The following USP47 variants were observed in gnomAD, a reference collection of about 807,000 sequenced individuals.
USP47 encodes the protein ubiquitin specific peptidase 47.
Under a neutral mutation model 165.1 loss-of-function variants are expected in USP47, and 35 were observed. That is an observed-to-expected ratio of 0.21 (90% CI 0.16 to 0.28). The LOEUF (loss-of-function observed/expected upper bound fraction) is 0.28. Among genes scored for constraint, USP47 ranks in the 10% least tolerant of loss-of-function variants. The pLI is 1.00. For synonymous variants in USP47, 531 were observed against 544.5 expected, an observed-to-expected ratio of 0.98 and a Z score of 0.35; for missense variants, 1,277 against 1,607.4, an observed-to-expected ratio of 0.79 and a Z score of 3.52.
At chr11:11,885,986 T>C (rs1316901591) in intron 3 of USP47, among the ~76,000 whole-genome samples, 8 of 152,024 alleles carry the variant, frequency 5.3e-5, no homozygotes, top group Admixed American at 5.2e-4. Context: ...CCCAGCAAAC[T>C]GCAGCAGCCC....
At chr11:11,937,573 C>G (rs553360292) in intron 17 of USP47, among the ~76,000 whole-genome samples, 1 of 133,740 alleles carries the variant, frequency 7.5e-6, no homozygotes, top group Non-Finnish European at 1.6e-5. Context: ...CATTTCCTTG[C>G]TTTTTTTTTT....
chr11:11,849,948 A>G (rs1277264564), intron 1 of USP47, among the ~76,000 whole-genome samples: 1 of 152,290 alleles, frequency 6.6e-6, no homozygotes, highest in East Asian at 1.9e-4. Flanking sequence ...GCATTGCTCT[A>G]CTGTCTTCTA....
Position 11,942,446 on chromosome 11 carries a change from C to A in USP47, c.2425C>A (p.Pro809Thr). Residue 809 changes from proline to threonine, a missense_variant, in exon 20 of 28, where the codon CCT (proline) becomes ACT (threonine). By Grantham distance (38) the Pro-to-Thr change is conservative. Coordinates refer to ENST00000527733, the MANE Select transcript of USP47 (RefSeq NM_001282659.2). ...ANTIRLFVLL[P>T]EQSPVSYSKR... ...TACAATCAGATTATTTGTTTTGCTA[C>A]CTGAACAATCCCCAGTATCTTATTC... The A allele has an allele frequency of 6.2e-7, 1 of 1,613,590 alleles. No homozygotes were observed. Among genetic ancestry groups the A allele is most frequent in the Non-Finnish European group, 8.5e-7 (1 of 1,179,722 alleles).
At chr11:11,847,349 A>C (rs569508030) in intron 1 of USP47, among the ~76,000 whole-genome samples, 2 of 151,914 alleles carry the variant, frequency 1.3e-5, no homozygotes, top group East Asian at 3.9e-4. Flanking sequence ...GTCTTGAGTA[A>C]TCGGATCCAC....
intron 11 of USP47, among the ~76,000 whole-genome samples, 189 bp downstream of exon 11, chr11:11,923,080 A>G (rs1324691640): frequency 8.5e-6 from 1 of 118,148 alleles, no homozygotes; most frequent in African/African-American, 3.2e-5. Flanking sequence ...ATATATATAT[A>G]TATATGACTA....
intron 1 of USP47, among the ~76,000 whole-genome samples, chr11:11,843,509 T>C (rs552425207): frequency 1.1e-4 from 17 of 152,338 alleles, no homozygotes; most frequent in Admixed American, 7.8e-4. Context: ...TGAACTCCAA[T>C]TAGGGACTAG....
Position 11,936,517 on chromosome 11 carries a change from A to G in USP47, c.2077+7A>G. 2.6e-6 allele frequency: 4 copies of G among 1,558,148 alleles called. No homozygotes were observed. Among genetic ancestry groups the G allele is most frequent in the Non-Finnish European group, 3.5e-6 (4 of 1,146,874 alleles). On this transcript the variant is annotated splice_region_variant and intron_variant, in intron 17 of 27. Transcript: ENST00000527733. ...CAATCTTATAAACCTGGAGGTGAGC[A>G]ATTTTACACTATTTTTAGTTGTTCT...
chr11:11,916,215 A>G (rs984871257), intron 8 of USP47, among the ~76,000 whole-genome samples: 8 of 152,170 alleles, frequency 5.3e-5, no homozygotes, highest in African/African-American at 1.9e-4. Context: ...TCGGGAGGTC[A>G]AGGCAGAGGA....
chr11:11,842,261 C>T, intron 1 of USP47, 37 bp downstream of exon 1: 2 of 1,547,228 alleles, frequency 1.3e-6, no homozygotes, highest in South Asian at 2.4e-5. Flanking sequence ...CTTAGGCCTG[C>T]GGCCGCTCGA....
intron 20 of USP47, among the ~76,000 whole-genome samples, chr11:11,945,516 C>T (rs1459253188): frequency 2.6e-5 from 4 of 152,194 alleles, no homozygotes; most frequent in Admixed American, 2.6e-4. Context: ...TCTGAGAACA[C>T]TGTCCTAGTA....
intron 7 of USP47, among the ~76,000 whole-genome samples, chr11:11,904,386 A>C (rs2134460294): frequency 6.6e-6 from 1 of 152,304 alleles, no homozygotes; most frequent in South Asian, 2.1e-4. Flanking sequence ...AAGAAATGTA[A>C]GTTTATGAAA....
intron 1 of USP47, among the ~76,000 whole-genome samples, chr11:11,855,721 T>G (rs1418688612): frequency 6.6e-6 from 1 of 152,232 alleles, no homozygotes; most frequent in East Asian, 1.9e-4. Flanking sequence ...TTTAAATACT[T>G]ATTTGTATTT....
rs144296076 is a variant in USP47, at chr11:11,904,195, G to C, written c.819+853G>C. On this transcript the variant is annotated intron_variant, in intron 7 of 27. Transcript: ENST00000527733. ...GCAGTGTAAATTATTTTCTTATGGT[G>C]ATTTGCTATTCAGTATTTGAAAAAC... is the stretch of plus-strand genomic sequence containing the variant. Among the ~76,000 whole-genome samples, 30 of 152,244 alleles carry C rather than the reference G, an allele frequency of 2.0e-4. 2 individuals are homozygous for C. The East Asian group carries it at 2.9e-3, about 15-fold the overall frequency.
intron 1 of USP47, 105 bp from the exon 2 acceptor site, chr11:11,880,072 A>G (rs1850731407): frequency 2.6e-6 from 2 of 766,046 alleles, no homozygotes; most frequent in Non-Finnish European, 3.8e-6. Context: ...AATACTTAGT[A>G]TTTCCTGAGG....
chr11:11,846,386 A>C (rs774290510), intron 1 of USP47, among the ~76,000 whole-genome samples: 4 of 152,186 alleles, frequency 2.6e-5, no homozygotes, highest in Non-Finnish European at 5.9e-5. Context: ...ATCAAGGATA[A>C]GGTGCATATT....
chr11:11,917,126 G>C (rs1217467914), intron 8 of USP47, among the ~76,000 whole-genome samples: 6 of 152,084 alleles, frequency 3.9e-5, no homozygotes, highest in Non-Finnish European at 5.9e-5. Context: ...TTCCAGCCTG[G>C]ATGACAGAGC....
intron 3 of USP47, among the ~76,000 whole-genome samples, chr11:11,887,322 T>C (rs942432845): frequency 1.3e-5 from 2 of 152,058 alleles, no homozygotes; most frequent in African/African-American, 4.8e-5. Flanking sequence ...GTATGCTGTC[T>C]TCAAGAGACC....
chr11:11,873,897 G>T, intron 1 of USP47: 1 of 1,234,140 alleles, frequency 8.1e-7, no homozygotes, highest in Non-Finnish European at 1.1e-6. Context: ...GTGATAATCA[G>T]CAGAGCAAGT....
At chr11:11,953,005 C>A in intron 25 of USP47, 134 bp downstream of exon 25, 1 of 664,484 alleles carries the variant, frequency 1.5e-6, no homozygotes, top group Non-Finnish European at 1.9e-6. Flanking sequence ...GTACCAAACA[C>A]TGGTGCAGCA....
Sources: allele counts gnomAD v4.1 joint callset (sites outside exome capture counted in the v4.1 genomes callset), GRCh38; gene constraint gnomAD v4.1.1; transcripts MANE v1.5; gene names NCBI Gene and HGNC (gene_info 2026-07-23, HGNC 2026-07-21).